PYM1: variants seen among roughly 807,000 people sequenced by gnomAD.
PYM1 encodes the protein PYM1 exon junction complex associated factor.
PYM1 carries 7 observed loss-of-function variants against 20.7 expected under a neutral mutation model. The ratio of observed to expected loss-of-function variants is 0.34; its 90% confidence interval spans 0.19 to 0.64. The LOEUF (loss-of-function observed/expected upper bound fraction) is 0.64. Ranked by LOEUF, PYM1 falls within the 30% of genes least tolerant of loss-of-function variation. PYM1 has a pLI of 0.74. For synonymous variants in PYM1, 100 were observed against 99.2 expected (o/e 1.01, Z -0.05); for missense variants, 194 against 250.0 (o/e 0.78, Z 1.51).
intron 1 of PYM1, among the ~76,000 whole-genome samples, chr12:55,911,616 G>A (rs1384062865): frequency 1.3e-5 from 2 of 152,076 alleles, no homozygotes; most frequent in Non-Finnish European, 2.9e-5. Context: ...CAAGGTGGGT[G>A]GATCACCTGA....
chr12:55,927,168 C>A, intron 1 of PYM1: 3 of 1,551,122 alleles, frequency 1.9e-6, no homozygotes, highest in Non-Finnish European at 2.6e-6. Flanking sequence ...CCCTCCCCAC[C>A]GGAAGTGGAG....
At chr12:55,924,103 AAAAGTTTACCTT>A (rs1215663035) in intron 1 of PYM1, among the ~76,000 whole-genome samples, 1 of 151,990 alleles carries the variant, frequency 6.6e-6, no homozygotes, top group Non-Finnish European at 1.5e-5. Flanking sequence ...GAAACGATAC[AAAAGTTTACCTT>A]GGGTTGGCTA....
intron 1 of PYM1, among the ~76,000 whole-genome samples, chr12:55,921,007 A>C (rs922037418): frequency 2.6e-5 from 4 of 152,238 alleles, no homozygotes; most frequent in Non-Finnish European, 5.9e-5. Flanking sequence ...TTACATAACT[A>C]AATTTGCACT....
intron 1 of PYM1, among the ~76,000 whole-genome samples, chr12:55,909,642 T>A (rs1882886335): frequency 6.7e-6 from 1 of 148,958 alleles, no homozygotes; most frequent in African/African-American, 2.5e-5. Flanking sequence ...ATTGTGATAA[T>A]CCTGGCATGA....
intron 1 of PYM1, chr12:55,927,155 C>T (rs1467534119): frequency 1.3e-6 from 2 of 1,550,402 alleles, no homozygotes; most frequent in Non-Finnish European, 1.7e-6. Flanking sequence ...TGGGGTCCCG[C>T]CCCCCTCCCC....
chr12:55,902,623 G>A (rs780747553), intron 2 of PYM1, among the ~76,000 whole-genome samples: 3 of 144,088 alleles, frequency 2.1e-5, no homozygotes, highest in Admixed American at 6.9e-5. Context: ...GATTACAGGC[G>A]CCTGCCACCA....
chr12:55,910,304 G>A (rs1054142503), intron 1 of PYM1, among the ~76,000 whole-genome samples: 10 of 146,604 alleles, frequency 6.8e-5, no homozygotes, highest in African/African-American at 1.5e-4. Flanking sequence ...TTTTTGAGAC[G>A]GAATCTCACT....
At chr12:55,913,762 T>C (rs1255283795) in intron 1 of PYM1, 1 of 152,266 alleles carries the variant, frequency 6.6e-6, no homozygotes, top group Non-Finnish European at 1.5e-5. Flanking sequence ...CTCGTGCTTT[T>C]CACATGTATT....
chr12:55,923,336 C>T (rs1883132034), intron 1 of PYM1, among the ~76,000 whole-genome samples: 1 of 152,176 alleles, frequency 6.6e-6, no homozygotes, highest in Non-Finnish European at 1.5e-5. Context: ...GAGGCCAGGG[C>T]GTGAGGATTG....
At chr12:55,902,606 T>A (rs1592633175) in intron 2 of PYM1, among the ~76,000 whole-genome samples, 2 of 151,176 alleles carry the variant, frequency 1.3e-5, no homozygotes, top group South Asian at 4.2e-4. Context: ...GCCTCCCGGG[T>A]AGCTGGGATT....
At chr12:55,906,198 G>A (rs1050774902) in intron 1 of PYM1, among the ~76,000 whole-genome samples, 1 of 148,770 alleles carries the variant, frequency 6.7e-6, no homozygotes. Flanking sequence ...AAGAAAGTTT[G>A]TTCAGCTTGC....
intron 1 of PYM1, among the ~76,000 whole-genome samples, chr12:55,911,675 T>C (rs1427687761): frequency 1.3e-5 from 2 of 151,626 alleles, no homozygotes; most frequent in African/African-American, 4.8e-5. Context: ...ACGCTGTCTC[T>C]AGTAAAAATA....
rs551636375 is a variant in PYM1, at chr12:55,907,866, G to C, written c.38-4386C>G. Reference sequence around the variant, plus strand: ...AGGCAGGAAAATCACTTGAACCCGGGAAGTGGGGTTGCAGTAGGTCAAGAT... The same window carrying C: ...AGGCAGGAAAATCACTTGAACCCGGCAAGTGGGGTTGCAGTAGGTCAAGAT... On this transcript the variant is annotated intron_variant, in intron 1 of 2. Coordinates refer to ENST00000408946, the MANE Select transcript of PYM1 (RefSeq NM_032345.3). 2.6e-5 allele frequency among the ~76,000 whole-genome samples: 4 copies of C among 152,172 alleles called. No individual in the cohort carries two copies. The South Asian group carries it at 8.3e-4, about 32-fold the overall frequency.
chr12:55,915,087 T>A (rs531743986), intron 1 of PYM1, among the ~76,000 whole-genome samples: 1 of 151,884 alleles, frequency 6.6e-6, no homozygotes, highest in South Asian at 2.1e-4. Context: ...TGGAGGCACA[T>A]GCCTGCAGTC....
At chr12:55,917,509 C>G (rs1883028316) in intron 1 of PYM1, among the ~76,000 whole-genome samples, 1 of 152,146 alleles carries the variant, frequency 6.6e-6, no homozygotes, top group Non-Finnish European at 1.5e-5. Flanking sequence ...AACATGGATG[C>G]AGCTGAGGGC....
intron 1 of PYM1, among the ~76,000 whole-genome samples, chr12:55,926,147 C>A (rs1883183144): frequency 6.6e-6 from 1 of 152,238 alleles, no homozygotes; most frequent in Non-Finnish European, 1.5e-5. Flanking sequence ...AAAACAGAAA[C>A]ACTTTGCACT....
chr12:55,903,429 C>T lies in PYM1; in HGVS notation c.89G>A (p.Arg30Gln), dbSNP rs1048735592. 6.2e-7 allele frequency: 1 copy of T among 1,614,110 alleles called. No individual in the cohort carries two copies. The highest frequency in any genetic ancestry group is 8.5e-7 in the Non-Finnish European group (1 of 1,180,044). The change falls in exon 2 of 3, where the codon CGG becomes CAG. Residue 30 changes from arginine (R) to glutamine (Q), a missense_variant. By Grantham distance (43) the Arg-to-Gln change is conservative. Around this residue, in one of 3 missense-constraint regions of PYM1, gnomAD observed 17 missense variants for 53.1 expected, o/e 0.32. Coordinates refer to ENST00000408946, the MANE Select transcript of PYM1 (RefSeq NM_032345.3). ...QRPDGTWRKQ[R>Q]RVKEGYVPQE... ...GGGCACATATCCTTCTTTCACCCTC[C>T]GCTGCTTGCGCCAGGTCCCGTCAGG...
chr12:55,926,525 A>C (rs1040416609), intron 1 of PYM1, among the ~76,000 whole-genome samples: 1 of 152,234 alleles, frequency 6.6e-6, no homozygotes, highest in Non-Finnish European at 1.5e-5. Flanking sequence ...AGAAAACTCA[A>C]GCTGAAAGTT....
At chr12:55,926,027 G>C (rs1391173787) in intron 1 of PYM1, among the ~76,000 whole-genome samples, 1 of 152,168 alleles carries the variant, frequency 6.6e-6, no homozygotes, top group Non-Finnish European at 1.5e-5. Context: ...AAGGAACATG[G>C]AAAGCAGCAG....
Sources: gnomAD v4.1 joint callset for allele counts (sites outside exome capture counted in the v4.1 genomes callset) on GRCh38, gnomAD v4.1.1 for gene constraint, gnomAD v4.1.1 regional missense constraint, MANE v1.5 for transcripts, NCBI Gene and HGNC (gene_info 2026-07-23, HGNC 2026-07-21) for gene names.